WDR12: variants seen among roughly 807,000 people sequenced by gnomAD.
WDR12 encodes WD repeat domain 12.
Under a neutral mutation model 64.3 loss-of-function variants are expected in WDR12, and 42 were observed. That is an observed-to-expected ratio of 0.65 (90% CI 0.51 to 0.84). The LOEUF (loss-of-function observed/expected upper bound fraction) is 0.84, where lower values mean the gene tolerates loss of function less well. Among genes scored for constraint, WDR12 ranks in the 40% least tolerant of loss-of-function variants. WDR12 has a pLI of 0.00. For missense variants in WDR12, 469 were observed against 494.6 expected (o/e 0.95, Z 0.49); for synonymous variants, 158 against 173.3 (o/e 0.91, Z 0.70).
intron 7 of WDR12, 89 bp downstream of exon 7, chr2:202,894,492 G>C (rs1688206046): frequency 3.4e-6 from 4 of 1,167,876 alleles, no homozygotes; most frequent in East Asian, 2.6e-5. Context: ...GAAGTGCTGA[G>C]ATTATAGGCG....
At chr2:202,882,229 T>A (rs1441446792) in intron 12 of WDR12, among the ~76,000 whole-genome samples, 2 of 151,942 alleles carry the variant, frequency 1.3e-5, no homozygotes, top group Non-Finnish European at 2.9e-5. Flanking sequence ...ATGCCTGGCC[T>A]ATTAAAGGAC....
At chr2:202,890,844 A>T (rs1190116936) in intron 8 of WDR12, among the ~76,000 whole-genome samples, 1 of 150,964 alleles carries the variant, frequency 6.6e-6, no homozygotes, top group Non-Finnish European at 1.5e-5. Context: ...AAGAGAAAAA[A>T]TTGGCAGAGC....
chr2:202,886,862 A>C (rs1223648131), intron 8 of WDR12, among the ~76,000 whole-genome samples: 2 of 152,026 alleles, frequency 1.3e-5, no homozygotes, highest in Non-Finnish European at 2.9e-5. Context: ...TTCCTTAAAT[A>C]TTGCCTCATC....
At chr2:202,887,319 G>A (rs1688065478) in intron 8 of WDR12, among the ~76,000 whole-genome samples, 2 of 151,582 alleles carry the variant, frequency 1.3e-5, no homozygotes, top group African/African-American at 4.8e-5. Flanking sequence ...ACTGCACTTG[G>A]CCCACAGTTG....
At chr2:202,896,515 A>G (rs947780331) in intron 5 of WDR12, among the ~76,000 whole-genome samples, 29 of 151,984 alleles carry the variant, frequency 1.9e-4, no homozygotes, top group Admixed American at 1.6e-3. Flanking sequence ...ACATGGCAAA[A>G]CCCTGCCTCT....
At position 202,896,101 on chromosome 2, in the gene WDR12, A is replaced by G; in HGVS notation, c.573T>C (p.Ser191=). The part of the protein sequence containing the change: ...ALHCCRGHAG[S]VDSIAVDGSG... Reference sequence around the variant, plus strand: ...AGCCATCAACAGCTATAGAATCTACACTTCCAGCATGACCTCTACAGCAGT... The same window carrying G: ...AGCCATCAACAGCTATAGAATCTACGCTTCCAGCATGACCTCTACAGCAGT... The change falls in exon 6 of 13, where the codon AGT becomes AGC. Residue 191 remains serine, a synonymous_variant. Coordinates refer to ENST00000261015, the MANE Select transcript of WDR12 (RefSeq NM_018256.4). 1 of 1,614,066 alleles carries G rather than the reference A, an allele frequency of 6.2e-7. No individual in the cohort carries two copies. The highest frequency in any genetic ancestry group is 8.5e-7 in the Non-Finnish European group (1 of 1,179,982).
Position 202,884,406 on chromosome 2 carries a change from T to C in WDR12, c.871A>G (p.Lys291Glu), listed in dbSNP as rs772327253. 5 of 1,614,110 alleles carry C rather than the reference T, an allele frequency of 3.1e-6. No individual in the cohort carries two copies. The South Asian group carries it at 4.4e-5, about 14-fold the overall frequency. ...TGAATTTGTCTTACCAAAGTTGACT[T>C]AAGACTGCCAGACTCAACATCCCAC... ...RVWDVESGSL[K>E]STLTGNKVFN... The change falls in exon 9 of 13, where the codon AAG (lysine) becomes GAG (glutamate). Residue 291 changes from lysine to glutamate, a missense_variant. By Grantham distance (56) the Lys-to-Glu change is moderately conservative (BLOSUM62 1). Coordinates refer to ENST00000261015, the MANE Select transcript of WDR12 (RefSeq NM_018256.4).
chr2:202,908,655 C>T (rs1384934604), intron 1 of WDR12, among the ~76,000 whole-genome samples: 1 of 152,202 alleles, frequency 6.6e-6, no homozygotes, highest in Non-Finnish European at 1.5e-5. Context: ...CATGTGAAAT[C>T]ATTTTTACTT....
At chr2:202,904,229 T>C (rs544924468) in intron 2 of WDR12, among the ~76,000 whole-genome samples, 4 of 147,036 alleles carry the variant, frequency 2.7e-5, no homozygotes, top group South Asian at 4.3e-4. Context: ...TCCAGGATCA[T>C]GGATTGGAAG....
chr2:202,896,701 C>T (rs1052140984), intron 5 of WDR12, among the ~76,000 whole-genome samples: 4 of 150,612 alleles, frequency 2.7e-5, no homozygotes, highest in Non-Finnish European at 3.0e-5. Context: ...AAAAAACAAA[C>T]AAACAGGCTG....
intron 1 of WDR12, among the ~76,000 whole-genome samples, chr2:202,909,222 C>T (rs553378457): frequency 6.6e-6 from 1 of 152,280 alleles, no homozygotes; most frequent in African/African-American, 2.4e-5. Flanking sequence ...TACATCCACA[C>T]GAAAACTTGT....
At chr2:202,897,165 A>AT (rs1324727428) in intron 5 of WDR12, 135 bp downstream of exon 5, 1 of 542,536 alleles carries the variant, frequency 1.8e-6, no homozygotes, top group Admixed American at 4.0e-5. Context: ...TGAACACTGT[A>AT]TTTTTTGAAA....
intron 8 of WDR12, among the ~76,000 whole-genome samples, chr2:202,888,330 T>C (rs1688087897): frequency 6.6e-6 from 1 of 152,170 alleles, no homozygotes; most frequent in South Asian, 2.1e-4. Context: ...GAAGGGGCAA[T>C]ATGAGTTTTC....
chr2:202,901,098 A>T lies in WDR12; in HGVS notation c.158T>A (p.Phe53Tyr). ...AAACTGGCCCTTAATAAGGAAATCA[A>T]ACTCCACATGTTTGTGGAACTCTGA... ...DKNEFHKHVE[F>Y]DFLIKGQFLR... The change falls in exon 3 of 13, where the codon TTT becomes TAT. Residue 53 changes from phenylalanine to tyrosine, a missense_variant. Coordinates refer to ENST00000261015, the MANE Select transcript of WDR12 (RefSeq NM_018256.4). 3 of 1,599,266 alleles carry T rather than the reference A, an allele frequency of 1.9e-6. No homozygotes were observed. The South Asian group carries it at 3.4e-5, about 18-fold the overall frequency.
intron 2 of WDR12, among the ~76,000 whole-genome samples, chr2:202,902,369 T>C (rs563530086): frequency 1.6e-4 from 25 of 152,282 alleles, no homozygotes; most frequent in African/African-American, 5.1e-4. Flanking sequence ...CTTGATTGGA[T>C]TGAAGGATGC....
chr2:202,896,985 A>AAAAACAAAAC (rs541694225), intron 5 of WDR12, among the ~76,000 whole-genome samples: 7 of 152,096 alleles, frequency 4.6e-5, no homozygotes, highest in African/African-American at 1.4e-4. Context: ...AGACTATCTC[A>AAAAACAAAAC]AAAACAAAAC....
Position 202,882,675 on chromosome 2 carries a change from A to G in WDR12, c.1194+36T>C, listed in dbSNP as rs758778533. On this transcript the variant is annotated intron_variant, in intron 12 of 12. Coordinates refer to ENST00000261015, the MANE Select transcript of WDR12 (RefSeq NM_018256.4). ...CACAAACACCAGATTTATTCTAGTCACTTTCCTCTTCATCAAATAACTAAT... is the reference window on the plus strand; with the variant it reads ...CACAAACACCAGATTTATTCTAGTCGCTTTCCTCTTCATCAAATAACTAAT... 6 of 1,585,686 alleles carry G rather than the reference A, an allele frequency of 3.8e-6. No individual in the cohort carries two copies. The Admixed American group carries it at 8.4e-5, about 22-fold the overall frequency.
intron 3 of WDR12, 141 bp from the exon 4 acceptor site, chr2:202,899,778 CA>C: frequency 1.5e-6 from 1 of 667,080 alleles, no homozygotes. Context: ...TGGAGCCATT[CA>C]AAAAGTCAAG....
chr2:202,909,634 C>T (rs1688528835), intron 1 of WDR12, among the ~76,000 whole-genome samples: 1 of 152,068 alleles, frequency 6.6e-6, no homozygotes, highest in Non-Finnish European at 1.5e-5. Flanking sequence ...CCTCAAACCA[C>T]ACTTTGAGCA....
Sources: gnomAD v4.1 joint callset for allele counts (sites outside exome capture counted in the v4.1 genomes callset) on GRCh38, gnomAD v4.1.1 for gene constraint, MANE v1.5 for transcripts, NCBI Gene and HGNC (gene_info 2026-07-23, HGNC 2026-07-21) for gene names.